The following GRID2 variants were observed in gnomAD, a reference collection of about 807,000 sequenced individuals.
GRID2 encodes the protein glutamate ionotropic receptor delta type subunit 2.
GRID2 carries 33 observed loss-of-function variants against 114.8 expected under a neutral mutation model. That is an observed-to-expected ratio of 0.29 (90% CI 0.22 to 0.38). GRID2 has a LOEUF of 0.38. GRID2 is among the 10% of genes least tolerant of loss of function. The pLI, the probability that GRID2 is intolerant of heterozygous loss-of-function variation, is 1.00. For missense variants in GRID2, 1,184 were observed against 1,257.7 expected (o/e 0.94, Z 0.89); for synonymous variants, 505 against 449.9 (o/e 1.12, Z -1.55).
At chr4:92,675,205 T>TG (rs1733284717) in intron 2 of GRID2, among the ~76,000 whole-genome samples, 1 of 152,140 alleles carries the variant, frequency 6.6e-6, no homozygotes, top group South Asian at 2.1e-4. Flanking sequence ...TCTGAATGCC[T>TG]GGGGTATTCA....
At chr4:93,312,477 A>C (rs1756121845) in intron 8 of GRID2, among the ~76,000 whole-genome samples, 1 of 152,210 alleles carries the variant, frequency 6.6e-6, no homozygotes, top group African/African-American at 2.4e-5. Context: ...GTGAACTAGC[A>C]GGTACAAGCC....
chr4:92,428,506 C>G (rs977117698), intron 1 of GRID2, among the ~76,000 whole-genome samples: 2 of 151,902 alleles, frequency 1.3e-5, no homozygotes, highest in African/African-American at 4.8e-5. Flanking sequence ...TCCTTGTGGA[C>G]AATTGGTATA....
intron 3 of GRID2, among the ~76,000 whole-genome samples, chr4:93,086,185 G>A (rs1385992867): frequency 2.0e-5 from 3 of 152,270 alleles, no homozygotes; most frequent in Non-Finnish European, 4.4e-5. Context: ...TCTTGAGAAG[G>A]AGTCTTGGAA....
At chr4:93,035,541 G>A (rs1724858471) in intron 2 of GRID2, among the ~76,000 whole-genome samples, 1 of 152,102 alleles carries the variant, frequency 6.6e-6, no homozygotes, top group Non-Finnish European at 1.5e-5. Flanking sequence ...AACTGAGCAT[G>A]GCTTCCCTTT....
intron 4 of GRID2, among the ~76,000 whole-genome samples, chr4:93,131,080 C>CCCTAGACA (rs1734753314): frequency 6.6e-6 from 1 of 151,516 alleles, no homozygotes; most frequent in African/African-American, 2.4e-5. Context: ...CCAACCCTCT[C>CCCTAGACA]CCTAGACAGC....
At chr4:93,159,850 G>C (rs972676266) in intron 4 of GRID2, among the ~76,000 whole-genome samples, 4 of 151,490 alleles carry the variant, frequency 2.6e-5, no homozygotes, top group African/African-American at 9.7e-5. Flanking sequence ...TAGGATAATT[G>C]TACAAAACTA....
chr4:93,031,260 G>C (rs989616000), intron 2 of GRID2, among the ~76,000 whole-genome samples: 1 of 151,982 alleles, frequency 6.6e-6, no homozygotes, highest in Non-Finnish European at 1.5e-5. Context: ...TGGCCAGGCT[G>C]TTCTTGAATT....
intron 2 of GRID2, among the ~76,000 whole-genome samples, chr4:92,724,183 C>G (rs150761378): frequency 6.6e-6 from 1 of 152,048 alleles, no homozygotes; most frequent in African/African-American, 2.4e-5. Flanking sequence ...AAGGCGGTAC[C>G]TTCTGCTGCC....
intron 8 of GRID2, among the ~76,000 whole-genome samples, chr4:93,343,743 C>T (rs993334819): frequency 1.3e-5 from 2 of 151,960 alleles, no homozygotes; most frequent in Admixed American, 1.3e-4. Flanking sequence ...AAAGCTCTAC[C>T]TCATCTTGAA....
chr4:92,470,903 A>G (rs183687363), intron 1 of GRID2, among the ~76,000 whole-genome samples: 1 of 152,148 alleles, frequency 6.6e-6, no homozygotes, highest in Admixed American at 6.5e-5. Flanking sequence ...TAACTGCTTC[A>G]CAGGAATGTT....
intron 1 of GRID2, among the ~76,000 whole-genome samples, chr4:92,319,592 A>G (rs1306234802): frequency 6.6e-6 from 1 of 152,200 alleles, no homozygotes; most frequent in Non-Finnish European, 1.5e-5. Flanking sequence ...CTTGGAAAAT[A>G]GTTATCTTTA....
At chr4:92,931,281 G>T (rs775478632) in intron 2 of GRID2, among the ~76,000 whole-genome samples, 5 of 150,774 alleles carry the variant, frequency 3.3e-5, no homozygotes, top group African/African-American at 1.2e-4. Context: ...AGCCTGACAT[G>T]ACACTCATTT....
chr4:93,090,264 C>A (rs1191217954), intron 3 of GRID2, among the ~76,000 whole-genome samples: 1 of 152,076 alleles, frequency 6.6e-6, no homozygotes. Context: ...GGTCCTGGAC[C>A]CAGTCAGCTG....
intron 11 of GRID2, among the ~76,000 whole-genome samples, chr4:93,469,215 T>A (rs1334289781): frequency 2.6e-5 from 4 of 152,132 alleles, no homozygotes; most frequent in Admixed American, 2.6e-4. Context: ...ATTCTTAGTT[T>A]ATTTTTTTCT....
At chr4:92,994,782 G>C (rs1560778864) in intron 2 of GRID2, among the ~76,000 whole-genome samples, 1 of 152,114 alleles carries the variant, frequency 6.6e-6, no homozygotes, top group Admixed American at 6.6e-5. Flanking sequence ...TTTCACATTG[G>C]TGCCAACGAA....
intron 14 of GRID2, among the ~76,000 whole-genome samples, chr4:93,667,510 T>C (rs1464239087): frequency 1.3e-5 from 2 of 151,958 alleles, no homozygotes; most frequent in South Asian, 2.1e-4. Flanking sequence ...TGAAGTGTCA[T>C]TGATGGGCTT....
At chr4:93,774,919 A>C (rs574918769), downstream of GRID2, among the ~76,000 whole-genome samples, 1 of 152,256 alleles carries the variant, frequency 6.6e-6, no homozygotes, top group African/African-American at 2.4e-5. Context: ...AAAATAAGAA[A>C]GACAAGAAAA....
chr4:92,694,028 T>C (rs368015808), intron 2 of GRID2, among the ~76,000 whole-genome samples: 1 of 152,084 alleles, frequency 6.6e-6, no homozygotes, highest in South Asian at 2.1e-4. Flanking sequence ...ATTGAGGATT[T>C]GTGTGGGGAG....
intron 13 of GRID2, among the ~76,000 whole-genome samples, chr4:93,616,399 T>G (rs1263080611): frequency 6.6e-6 from 1 of 151,272 alleles, no homozygotes; most frequent in Admixed American, 6.6e-5. Flanking sequence ...ATACAAAAAT[T>G]AGACCAGTGT....
Sources: gnomAD v4.1 joint callset for allele counts (sites outside exome capture counted in the v4.1 genomes callset) on GRCh38, gnomAD v4.1.1 for gene constraint, MANE v1.5 for transcripts, NCBI Gene and HGNC (gene_info 2026-07-23, HGNC 2026-07-21) for gene names.